Variants in TTC27 observed in about 807,000 individuals in gnomAD.
TTC27 encodes tetratricopeptide repeat protein 27.
A neutral mutation model predicts 115.9 loss-of-function variants in TTC27; 79 were observed. That is an observed-to-expected ratio of 0.68 (90% CI 0.57 to 0.82). The LOEUF is 0.82. Among genes scored for constraint, TTC27 ranks in the 40% least tolerant of loss-of-function variants. The pLI is 0.00. For missense variants in TTC27, 1,054 were observed against 993.1 expected (o/e 1.06, Z -0.82); for synonymous variants, 401 against 356.0 (o/e 1.13, Z -1.42).
chr2:32,653,103 A>G (rs1665190881), intron 5 of TTC27, among the ~76,000 whole-genome samples: 1 of 152,202 alleles, frequency 6.6e-6, no homozygotes, highest in African/African-American at 2.4e-5. Context: ...AGGGCATACA[A>G]CAATTGATCA....
chr2:32,640,258 T>G lies in TTC27; in HGVS notation c.397-12T>G, dbSNP rs373736040. On this transcript the variant is annotated splice_polypyrimidine_tract_variant and intron_variant, in intron 3 of 19. Transcript: ENST00000317907. ...TAAATTATATCATCTTAGTTTATAA[T>G]CCTTTTTTCAGGTTAAAGGACTGGA... The G allele has an allele frequency of 4.0e-5, 65 of 1,608,132 alleles. No homozygotes were observed. In the African/African-American group the frequency reaches 8.4e-4, roughly 21 times the overall value.
intron 5 of TTC27, among the ~76,000 whole-genome samples, chr2:32,658,190 A>C (rs1467103409): frequency 1.3e-5 from 2 of 152,110 alleles, no homozygotes; most frequent in Admixed American, 1.3e-4. Flanking sequence ...TGGTGTAATA[A>C]TATCTCACTG....
chr2:32,672,954 G>A (rs1382990081), intron 8 of TTC27, among the ~76,000 whole-genome samples: 1 of 152,106 alleles, frequency 6.6e-6, no homozygotes, highest in Admixed American at 6.6e-5. Flanking sequence ...GAAAATTAAT[G>A]TTGGTACTTT....
rs1665860200 is a variant in TTC27, at chr2:32,668,114, C to T, written c.939+1346C>T. 1.3e-5 allele frequency among the ~76,000 whole-genome samples: 2 copies of T among 151,884 alleles called. 1 individual carries two copies. The highest frequency in any genetic ancestry group is 3.9e-4 in the East Asian group (2 of 5,148). ...GCTGAGGCAGGAGAATGGCGTGAATCTGGGAGACGGAGCTTGCAGTGAGCC... is the reference window on the plus strand; with the variant it reads ...GCTGAGGCAGGAGAATGGCGTGAATTTGGGAGACGGAGCTTGCAGTGAGCC... On this transcript the variant is annotated intron_variant, in intron 7 of 19. Transcript: ENST00000317907.
intron 7 of TTC27, among the ~76,000 whole-genome samples, chr2:32,668,292 C>T (rs1393910572): frequency 1.6e-4 from 24 of 151,346 alleles, no homozygotes; most frequent in Admixed American, 1.6e-3. Context: ...ATTGCTTGAA[C>T]CCAGGAGGTG....
At chr2:32,752,032 C>T (rs939654482) in intron 12 of TTC27, among the ~76,000 whole-genome samples, 2 of 152,156 alleles carry the variant, frequency 1.3e-5, no homozygotes, top group South Asian at 2.1e-4. Flanking sequence ...GCTAGTCTGA[C>T]CTAAATATCT....
chr2:32,639,326 C>T (rs1664548864), intron 3 of TTC27, among the ~76,000 whole-genome samples: 1 of 152,122 alleles, frequency 6.6e-6, no homozygotes, highest in African/African-American at 2.4e-5. Context: ...ATTCTGCCAT[C>T]CAAATTTTAA....
At chr2:32,657,546 G>A (rs1213057876) in intron 5 of TTC27, among the ~76,000 whole-genome samples, 1 of 151,896 alleles carries the variant, frequency 6.6e-6, no homozygotes, top group East Asian at 1.9e-4. Context: ...TAGAGACGGA[G>A]TTTCACCGAA....
At chr2:32,654,563 C>G (rs1316873540) in intron 5 of TTC27, among the ~76,000 whole-genome samples, 2 of 152,030 alleles carry the variant, frequency 1.3e-5, no homozygotes, top group African/African-American at 4.8e-5. Context: ...CAGGGTCTTG[C>G]TCTGTCATCC....
intron 13 of TTC27, chr2:32,766,542 A>G (rs1361543010): frequency 4.9e-6 from 2 of 408,264 alleles, no homozygotes; most frequent in South Asian, 2.0e-5. Context: ...CATACACAGC[A>G]TTTATCAGTT....
intron 13 of TTC27, among the ~76,000 whole-genome samples, chr2:32,759,430 A>G (rs1002070228): frequency 3.9e-5 from 6 of 152,166 alleles, no homozygotes; most frequent in Non-Finnish European, 8.8e-5. Flanking sequence ...GTGGTAAAAA[A>G]CATAGAAAAA....
chr2:32,654,995 C>CT (rs34907715), intron 5 of TTC27, among the ~76,000 whole-genome samples: 37,286 of 138,868 alleles, frequency 0.27, 5,401 homozygotes, highest in Middle Eastern at 0.43. Flanking sequence ...TGCGTCTGGC[C>CT]TTTTTTTTTT....
intron 4 of TTC27, among the ~76,000 whole-genome samples, chr2:32,643,455 G>A (rs563282065): frequency 1.4e-4 from 22 of 151,858 alleles, no homozygotes; most frequent in Non-Finnish European, 2.9e-4. Context: ...ACAGGCACGT[G>A]CCACCATGCC....
intron 11 of TTC27, among the ~76,000 whole-genome samples, chr2:32,735,101 A>G (rs76410566): frequency 0.014 from 2,152 of 152,314 alleles, 43 homozygotes; most frequent in African/African-American, 0.05. Context: ...CCACCATCCA[A>G]TCGTTTAAAA....
Position 32,650,139 on chromosome 2 carries a change from A to G in TTC27, c.546A>G (p.Pro182=), listed in dbSNP as rs201745073. Residue 182 remains proline, a synonymous_variant, in exon 5 of 20, where the codon CCA becomes CCG. Transcript: ENST00000317907. The part of the protein sequence containing the change: ...RHKLTAIQSL[P]WWTLRCVNIH... ...GTGGTGTTTTTTCCTAGAGCTTGCCATGGTGGACTTTGAGATGTGTGAATA... is the reference window on the plus strand; with the variant it reads ...GTGGTGTTTTTTCCTAGAGCTTGCCGTGGTGGACTTTGAGATGTGTGAATA... The G allele has an allele frequency of 1.1e-5, 17 of 1,613,494 alleles. No homozygotes were observed. Among genetic ancestry groups the G allele is most frequent in the East Asian group, 4.5e-5 (2 of 44,864 alleles).
chr2:32,758,226 A>T, intron 12 of TTC27, 66 bp from the exon 13 acceptor site: 1 of 1,411,720 alleles, frequency 7.1e-7, no homozygotes, highest in East Asian at 2.3e-5. Context: ...AAAGATGTAT[A>T]TGTGCTAAAA....
intron 13 of TTC27, among the ~76,000 whole-genome samples, chr2:32,775,323 G>C (rs963617432): frequency 5.3e-5 from 8 of 152,038 alleles, no homozygotes; most frequent in African/African-American, 1.9e-4. Context: ...TCAGCCTCCC[G>C]AGTACCTGGG....
chr2:32,731,803 G>A (rs1668301416), intron 10 of TTC27, among the ~76,000 whole-genome samples: 1 of 152,114 alleles, frequency 6.6e-6, no homozygotes, highest in South Asian at 2.1e-4. Flanking sequence ...GAGAGTATCC[G>A]AGAGTTGTAA....
intron 5 of TTC27, among the ~76,000 whole-genome samples, chr2:32,659,882 A>G (rs147662433): frequency 0.011 from 1,740 of 152,230 alleles, 11 homozygotes; most frequent in Non-Finnish European, 0.018. Flanking sequence ...TCCATGGTGT[A>G]TATGTGCCAC....
Sources: allele counts gnomAD v4.1 joint callset (sites outside exome capture counted in the v4.1 genomes callset), GRCh38; gene constraint gnomAD v4.1.1; transcripts MANE v1.5; gene names NCBI Gene and HGNC (gene_info 2026-07-23, HGNC 2026-07-21).